TBC1D4: variants seen among roughly 807,000 people sequenced by gnomAD.
TBC1D4 encodes TBC (Tre-2, BUB2, CDC16) domain-containing protein.
In TBC1D4, 121 loss-of-function variants were observed where a neutral mutation model predicts 142.5. The observed-to-expected ratio is 0.85, with a 90% CI of 0.73 to 0.99. The LOEUF is 0.99. TBC1D4 is among the 50% of genes least tolerant of loss of function. TBC1D4 has a pLI of 0.00. For synonymous variants in TBC1D4, 630 were observed against 628.2 expected, an observed-to-expected ratio of 1.00 and a Z score of -0.04; for missense variants, 1,475 against 1,606.6, an observed-to-expected ratio of 0.92 and a Z score of 1.40.
chr13:75,414,304 T>C (rs769211764), intron 1 of TBC1D4, among the ~76,000 whole-genome samples: 53 of 152,178 alleles, frequency 3.5e-4, no homozygotes, highest in Non-Finnish European at 2.5e-4. Flanking sequence ...TCCTCCTGCA[T>C]ACAGAAAGCC....
rs538708843 is a variant in TBC1D4 at position 75,430,347 on chromosome 13, A to G, written c.498+50923T>C. Among the ~76,000 whole-genome samples the G allele has an allele frequency of 3.3e-5, 5 of 152,304 alleles. 1 individual carries two copies. Among genetic ancestry groups the G allele is most frequent in the South Asian group, 2.1e-4 (1 of 4,830 alleles). On this transcript the variant is annotated intron_variant, in intron 1 of 20. Coordinates refer to ENST00000377636, the MANE Select transcript of TBC1D4 (RefSeq NM_014832.5). ...AAAATGAGTCATTTAGCATTGTTTC[A>G]TTTCTTTAAAAATTAAACAAATGGT...
chr13:75,414,900 G>T (rs1189309767), intron 1 of TBC1D4, among the ~76,000 whole-genome samples: 1 of 151,948 alleles, frequency 6.6e-6, no homozygotes, highest in Non-Finnish European at 1.5e-5. Flanking sequence ...GAGGCGGGCG[G>T]ATCACCTGAG....
intron 1 of TBC1D4, among the ~76,000 whole-genome samples, chr13:75,472,343 T>A (rs942769786): frequency 7.3e-5 from 11 of 151,724 alleles, no homozygotes; most frequent in South Asian, 2.1e-4. Context: ...TGCTTGAACC[T>A]GGGAGGCGGA....
intron 4 of TBC1D4, among the ~76,000 whole-genome samples, chr13:75,354,294 A>G (rs182296800): frequency 6.6e-6 from 1 of 152,316 alleles, no homozygotes; most frequent in African/African-American, 2.4e-5. Flanking sequence ...AAATTTTGTG[A>G]GAAATAAAAC....
chr13:75,328,315 A>G (rs768412359), intron 8 of TBC1D4, among the ~76,000 whole-genome samples: 2 of 152,226 alleles, frequency 1.3e-5, no homozygotes, highest in Non-Finnish European at 2.9e-5. Context: ...TGCATCATTC[A>G]TTATTCCATA....
chr13:75,325,867 T>C (rs1278634517), intron 10 of TBC1D4, among the ~76,000 whole-genome samples: 1 of 152,228 alleles, frequency 6.6e-6, no homozygotes, highest in African/African-American at 2.4e-5. Flanking sequence ...ATCTGCTGAC[T>C]TTGTTTCTCT....
intron 1 of TBC1D4, among the ~76,000 whole-genome samples, chr13:75,380,288 A>G (rs1259115974): frequency 6.6e-6 from 1 of 151,904 alleles, no homozygotes; most frequent in Non-Finnish European, 1.5e-5. Flanking sequence ...CCTGACCAAT[A>G]TGGTGAAACC....
At chr13:75,468,966 A>G (rs1888280647) in intron 1 of TBC1D4, among the ~76,000 whole-genome samples, 2 of 152,210 alleles carry the variant, frequency 1.3e-5, no homozygotes, top group Non-Finnish European at 2.9e-5. Flanking sequence ...ATTTTAAACG[A>G]GTTAAGTGTC....
At chr13:75,386,316 C>T (rs971854) in intron 1 of TBC1D4, among the ~76,000 whole-genome samples, 149,725 of 152,060 alleles carry the variant, frequency 0.98, 73,758 homozygotes, top group East Asian at 1. Context: ...CCTGGCTTCA[C>T]AGTTCTTATA....
chr13:75,384,292 T>C (rs7985660), intron 1 of TBC1D4, among the ~76,000 whole-genome samples: 114,241 of 151,760 alleles, frequency 0.75, 43,083 homozygotes, highest in South Asian at 0.86. Context: ...AGAAATTAGC[T>C]GGGCATGCTG....
intron 1 of TBC1D4, among the ~76,000 whole-genome samples, chr13:75,416,190 C>A (rs1181259147): frequency 1.3e-5 from 2 of 152,150 alleles, no homozygotes; most frequent in African/African-American, 4.8e-5. Flanking sequence ...AAAAGCAACA[C>A]TGGTTCACTA....
chr13:75,379,699 C>CT (rs1883708530), intron 1 of TBC1D4, among the ~76,000 whole-genome samples: 1 of 151,930 alleles, frequency 6.6e-6, no homozygotes, highest in Admixed American at 6.6e-5. Flanking sequence ...TTCTTGAGTC[C>CT]TTAAATAGCC....
chr13:75,443,287 C>G (rs1887132443), intron 1 of TBC1D4, among the ~76,000 whole-genome samples: 1 of 152,172 alleles, frequency 6.6e-6, no homozygotes, highest in Admixed American at 6.5e-5. Flanking sequence ...ATTAGAAACA[C>G]AAAAGTACCT....
At position 75,302,657 on chromosome 13, in the gene TBC1D4, G is replaced by A. The variant is rs991416078; in HGVS notation, c.2753-256C>T. The A allele has an allele frequency of 4.7e-5, 25 of 532,046 alleles. 1 individual carries two copies. Among genetic ancestry groups the A allele is most frequent in the South Asian group, 2.7e-4 (13 of 47,296 alleles). The allele number at this position is 532,046 out of a possible 1,614,324, so 33.0% of individuals were successfully genotyped here. ...ACAATAACATCACCCGTTGCTGACT[G>A]AGCATTAATAAAACATTTATTGAGG... On this transcript the variant is annotated intron_variant, in intron 15 of 20. Transcript: ENST00000377636.
intron 1 of TBC1D4, among the ~76,000 whole-genome samples, chr13:75,402,581 T>C (rs886994125): frequency 6.6e-6 from 1 of 152,058 alleles, no homozygotes. Context: ...CCCCAATCTA[T>C]ACATTTTACT....
intron 19 of TBC1D4, among the ~76,000 whole-genome samples, chr13:75,289,413 G>T (rs950230547): frequency 8.6e-5 from 13 of 151,810 alleles, no homozygotes; most frequent in Non-Finnish European, 4.4e-5. Context: ...ATAAATTAAT[G>T]TCCAAGTGTA....
chr13:75,423,163 T>C (rs1267348715), intron 1 of TBC1D4, among the ~76,000 whole-genome samples: 3 of 152,124 alleles, frequency 2.0e-5, no homozygotes, highest in African/African-American at 7.2e-5. Context: ...AAATTAGGTC[T>C]AAATAGAGCC....
intron 8 of TBC1D4, among the ~76,000 whole-genome samples, chr13:75,335,994 T>C (rs1392279544): frequency 6.6e-6 from 1 of 152,226 alleles, no homozygotes; most frequent in Non-Finnish European, 1.5e-5. Context: ...AGCATCAGTA[T>C]TCTATTTCCC....
rs969343152 is a variant in TBC1D4 at position 75,348,954 on chromosome 13, A to AGAGAGAGTGTGTGT, written c.1408+215_1408+216insACACACACTCTCTC. 3.4e-4 allele frequency among the ~76,000 whole-genome samples: 48 copies of AGAGAGAGTGTGTGT among 139,162 alleles called. No homozygotes were observed. The South Asian group carries it at 0.012, about 34-fold the overall frequency. 91.3% of individuals were successfully genotyped at this position (139,162 alleles called of 152,430 possible). ...GGAGAGAGAGTAGAGAGAGAGAGAG[A>AGAGAGAGTGTGTGT]GTGTGTGTGTGTGTGTGTGTGTGTG... On this transcript the variant is annotated intron_variant, in intron 5 of 20. Coordinates refer to ENST00000377636, the MANE Select transcript of TBC1D4 (RefSeq NM_014832.5).
Sources: gnomAD v4.1 joint callset for allele counts (sites outside exome capture counted in the v4.1 genomes callset) on GRCh38, gnomAD v4.1.1 for gene constraint, MANE v1.5 for transcripts, NCBI Gene and HGNC (gene_info 2026-07-23, HGNC 2026-07-21) for gene names.